LRRC37A2: variants seen among roughly 807,000 people sequenced by gnomAD.
LRRC37A2 encodes leucine rich repeat containing 37 member A2.
Under a neutral mutation model 68.8 loss-of-function variants are expected in LRRC37A2, and 9 were observed. The ratio of observed to expected loss-of-function variants is 0.13; its 90% CI spans 0.08 to 0.23. The LOEUF is 0.23. Ranked by LOEUF, LRRC37A2 falls within the 10% of genes least tolerant of loss-of-function variation. The pLI, the probability that LRRC37A2 is intolerant of heterozygous loss-of-function variation, is 1.00. For synonymous variants in LRRC37A2, 63 were observed against 367.6 expected (o/e 0.17, Z 9.48); for missense variants, 168 against 950.4 (o/e 0.18, Z 10.82).
At chr17:46,857,654 A>G in the LRRC37A2 span, among the ~76,000 whole-genome samples, 2 of 152,060 alleles carry the variant, frequency 1.3e-5, no homozygotes, top group Admixed American at 1.3e-4. Flanking sequence ...TAACTTATAG[A>G]ATTGGCATTT....
At chr17:46,717,980 A>T in the LRRC37A2 span, among the ~76,000 whole-genome samples, 1 of 152,212 alleles carries the variant, frequency 6.6e-6, no homozygotes, top group African/African-American at 2.4e-5. Flanking sequence ...TGCCAGATCT[A>T]CTTGGGGCTA....
chr17:46,821,244 C>A, the LRRC37A2 span: 2 of 152,264 alleles, frequency 1.3e-5, no homozygotes, highest in African/African-American at 4.8e-5. Context: ...GGACTGGAAC[C>A]TACCAGCGGC....
chr17:46,930,895 A>G, the LRRC37A2 span: 2 of 572,198 alleles, frequency 3.5e-6, no homozygotes, highest in Non-Finnish European at 6.2e-6. Flanking sequence ...TGTCATTAAC[A>G]GCTATATACA....
chr17:47,032,968 G>A, the LRRC37A2 span, among the ~76,000 whole-genome samples: 1 of 152,102 alleles, frequency 6.6e-6, no homozygotes, highest in Non-Finnish European at 1.5e-5. Context: ...TGTAATCCCA[G>A]CACTTTGGGA....
chr17:46,811,126 A>AATGGGGGCTCCTGTCAATGGCGCGGAAG, the LRRC37A2 span, among the ~76,000 whole-genome samples: 1 of 100,892 alleles, frequency 9.9e-6, no homozygotes, highest in Non-Finnish European at 2.6e-5. Context: ...CTGCAAACAG[A>AATGGGGGCTCCTGTCAATGGCGCGGAAG]TAAATCGACA....
the LRRC37A2 span, among the ~76,000 whole-genome samples, chr17:46,575,363 A>G: frequency 4.6e-5 from 7 of 151,856 alleles, no homozygotes; most frequent in Admixed American, 2.6e-4. Flanking sequence ...CATCTCAAGC[A>G]GTTGGTTTGA....
the LRRC37A2 span, among the ~76,000 whole-genome samples, chr17:46,900,198 T>TACACATAC: frequency 1.1e-5 from 1 of 92,096 alleles, no homozygotes; most frequent in African/African-American, 5.0e-5. Context: ...TATATATATA[T>TACACATAC]ATATACACAC....
At chr17:46,543,041 TCCC>T in intron 8 of LRRC37A2, among the ~76,000 whole-genome samples, 1 of 149,778 alleles carries the variant, frequency 6.7e-6, no homozygotes, top group South Asian at 2.1e-4. Context: ...CTGGATGAAG[TCCC>T]CTTCATCGAC....
chr17:46,710,753 T>C, the LRRC37A2 span, among the ~76,000 whole-genome samples: 1 of 152,224 alleles, frequency 6.6e-6, no homozygotes, highest in Admixed American at 6.5e-5. Flanking sequence ...ATTGTTTTTA[T>C]TCCATTAAGT....
chr17:46,709,330 G>T, the LRRC37A2 span, among the ~76,000 whole-genome samples: 1 of 151,820 alleles, frequency 6.6e-6, no homozygotes, highest in Non-Finnish European at 1.5e-5. Context: ...TATTCCAAGG[G>T]TCTGGAGGAT....
At chr17:46,847,944 C>G in the LRRC37A2 span, among the ~76,000 whole-genome samples, 1 of 149,492 alleles carries the variant, frequency 6.7e-6, no homozygotes, top group South Asian at 2.1e-4. Flanking sequence ...AGCTTTCAGC[C>G]TCATCATGTT....
chr17:46,787,506 G>A, the LRRC37A2 span, among the ~76,000 whole-genome samples: 1 of 152,188 alleles, frequency 6.6e-6, no homozygotes, highest in Non-Finnish European at 1.5e-5. Flanking sequence ...CCACTGGTTG[G>A]AGGCAGTGCA....
At chr17:46,769,970 C>T in the LRRC37A2 span, 1 of 1,611,916 alleles carries the variant, frequency 6.2e-7, no homozygotes, top group Non-Finnish European at 8.5e-7. Flanking sequence ...GGTGGAGGTG[C>T]CCTCGGCGCA....
chr17:46,865,274 A>G, the LRRC37A2 span, among the ~76,000 whole-genome samples: 2 of 152,214 alleles, frequency 1.3e-5, no homozygotes, highest in East Asian at 1.9e-4. Context: ...CTCACTACCC[A>G]CTTAGCCCCT....
the LRRC37A2 span, among the ~76,000 whole-genome samples, chr17:46,838,162 A>G: frequency 6.6e-6 from 1 of 152,116 alleles, no homozygotes. Context: ...CACTGGCCCT[A>G]CTGTTTTCTC....
chr17:46,999,474 G>A, the LRRC37A2 span, among the ~76,000 whole-genome samples: 6 of 151,728 alleles, frequency 4.0e-5, no homozygotes, highest in South Asian at 2.1e-4. Context: ...TAAACCTCCC[G>A]AGTAGCTGGG....
chr17:46,914,634 G>C, the LRRC37A2 span, among the ~76,000 whole-genome samples: 1 of 115,256 alleles, frequency 8.7e-6, no homozygotes. Context: ...CTGTGGGGCA[G>C]AGCGAGACTC....
chr17:46,403,758 A>G, the LRRC37A2 span, among the ~76,000 whole-genome samples: 1 of 89,226 alleles, frequency 1.1e-5, no homozygotes, highest in Non-Finnish European at 2.5e-5. Context: ...GAGTACAGTG[A>G]CACGATCTCA....
At chr17:46,934,002 C>G in the LRRC37A2 span, among the ~76,000 whole-genome samples, 3 of 151,678 alleles carry the variant, frequency 2.0e-5, no homozygotes, top group Admixed American at 6.6e-5. Flanking sequence ...TTGTGATTGG[C>G]AGAAAAGAGA....
Sources: gnomAD v4.1 joint callset for allele counts (sites outside exome capture counted in the v4.1 genomes callset) on GRCh38, gnomAD v4.1.1 for gene constraint, MANE v1.5 for transcripts, NCBI Gene and HGNC (gene_info 2026-07-23, HGNC 2026-07-21) for gene names.